Variants in SMIM3 observed in about 807,000 individuals in gnomAD.
SMIM3 encodes the protein NGF-induced differentiation clone 67 protein.
A neutral mutation model predicts 2.1 loss-of-function variants in SMIM3; 4 were observed. The ratio of observed to expected loss-of-function variants is 1.89; its 90% CI spans 0.93 to 4.31. The LOEUF (loss-of-function observed/expected upper bound fraction) is 4.31. Ranked by LOEUF, SMIM3 falls within the 30% of genes most tolerant of loss-of-function variation. The pLI, the probability that SMIM3 is intolerant of heterozygous loss-of-function variation, is 0.01. For synonymous variants in SMIM3, 29 were observed against 30.8 expected (o/e 0.94, Z 0.19); for missense variants, 79 against 77.7 (o/e 1.02, Z -0.06).
chr5:150,793,764 A>G (rs1360544511), intron 1 of SMIM3, among the ~76,000 whole-genome samples: 1 of 152,246 alleles, frequency 6.6e-6, no homozygotes, highest in Admixed American at 6.5e-5. Context: ...TGGCTTAGGC[A>G]AGGATTTCAT....
chr5:150,784,289 A>T (rs933566774), intron 1 of SMIM3, among the ~76,000 whole-genome samples: 1 of 152,132 alleles, frequency 6.6e-6, no homozygotes, highest in African/African-American at 2.4e-5. Context: ...AGTGGTTACA[A>T]TTATTAGTTA....
chr5:150,795,489 ATCCTGGATATCTGGGTTATTG>A lies in SMIM3; in HGVS notation c.54_74del (p.Asp19_Leu25del), dbSNP rs1197529563. ...CATGGAAGTCGTGCTTCCCAAGCAC[ATCCTGGATATCTGGGTTATTG>A]TCCTCATCATCCTGGCCACCATTGT... On this transcript the variant is annotated inframe_deletion, in exon 2 of 2. Transcript: ENST00000526627. 6.2e-7 allele frequency: 1 copy of A among 1,613,926 alleles called. No homozygotes were observed. Among genetic ancestry groups the A allele is most frequent in the South Asian group, 1.1e-5 (1 of 91,084 alleles).
At chr5:150,789,827 G>A (rs1384988745) in intron 1 of SMIM3, among the ~76,000 whole-genome samples, 1 of 152,178 alleles carries the variant, frequency 6.6e-6, no homozygotes, top group Admixed American at 6.5e-5. Flanking sequence ...CATCTCTAGT[G>A]CTTAGGGTCT....
At chr5:150,791,497 A>G (rs1221620317) in intron 1 of SMIM3, among the ~76,000 whole-genome samples, 1 of 152,058 alleles carries the variant, frequency 6.6e-6, no homozygotes, top group Non-Finnish European at 1.5e-5. Context: ...TATAAATGAG[A>G]ACTTGAGATA....
chr5:150,789,443 T>C (rs577563484), intron 1 of SMIM3, among the ~76,000 whole-genome samples: 1 of 152,276 alleles, frequency 6.6e-6, no homozygotes, highest in Admixed American at 6.5e-5. Context: ...AAGGACACGT[T>C]TGAGTTTCGA....
At chr5:150,779,185 C>T (rs114604173) in intron 1 of SMIM3, among the ~76,000 whole-genome samples, 1,562 of 152,226 alleles carry the variant, frequency 0.01, 28 homozygotes, top group African/African-American at 0.035. Context: ...TAAGTTCGAG[C>T]CTCCTAGTGC....
chr5:150,792,545 T>A (rs936414729), intron 1 of SMIM3, among the ~76,000 whole-genome samples: 7 of 152,162 alleles, frequency 4.6e-5, no homozygotes, highest in East Asian at 3.8e-4. Context: ...ATTAAAAAAA[T>A]TATTTTTGAG....
intron 1 of SMIM3, among the ~76,000 whole-genome samples, chr5:150,791,121 TAA>T (rs1753344923): frequency 6.6e-6 from 1 of 152,108 alleles, no homozygotes; most frequent in Admixed American, 6.5e-5. Context: ...CCCGAAAAGG[TAA>T]CCACTATTAA....
rs1481469583 is a variant in SMIM3 at position 150,795,760 on chromosome 5, G to A, written c.*137G>A. On this transcript the variant is annotated 3_prime_UTR_variant, in exon 2 of 2. Coordinates refer to ENST00000526627, the MANE Select transcript of SMIM3 (RefSeq NM_032947.5). ...GTTTTGATTCTGCCACGAGCCAGCTGTGTGAATTTGGTCAAGGGACCTAAC... is the reference window on the plus strand; with the variant it reads ...GTTTTGATTCTGCCACGAGCCAGCTATGTGAATTTGGTCAAGGGACCTAAC... 8 of 976,180 alleles carry A rather than the reference G, an allele frequency of 8.2e-6. No individual in the cohort carries two copies. Among genetic ancestry groups the A allele is most frequent in the Non-Finnish European group, 1.0e-5 (7 of 675,726 alleles). 60.5% of individuals were successfully genotyped at this position (976,180 alleles called of 1,614,324 possible).
chr5:150,795,087 A>G (rs1753388570), intron 1 of SMIM3, among the ~76,000 whole-genome samples: 1 of 152,214 alleles, frequency 6.6e-6, no homozygotes, highest in African/African-American at 2.4e-5. Flanking sequence ...TTCTCGGTCA[A>G]ATTAATGTCA....
At chr5:150,788,254 G>T (rs1279801687) in intron 1 of SMIM3, among the ~76,000 whole-genome samples, 1 of 152,152 alleles carries the variant, frequency 6.6e-6, no homozygotes, top group African/African-American at 2.4e-5. Flanking sequence ...GGTCCCAGAA[G>T]TAAAATTTGA....
At chr5:150,783,360 G>T (rs1753256105) in intron 1 of SMIM3, among the ~76,000 whole-genome samples, 1 of 152,216 alleles carries the variant, frequency 6.6e-6, no homozygotes, top group Non-Finnish European at 1.5e-5. Flanking sequence ...GTCCTATAAG[G>T]TGGACAATGC....
Position 150,778,970 on chromosome 5 carries a change from G to T in SMIM3, c.-14G>T, listed in dbSNP as rs1309369775. On this transcript the variant is annotated splice_region_variant and 5_prime_UTR_variant, in exon 1 of 2. Transcript: ENST00000526627. ...ACTTTCCGCAGACTCGCCGCCATCTGGGGTGAGTGGGGCCACCGGGGGATT... is the reference window on the plus strand; with the variant it reads ...ACTTTCCGCAGACTCGCCGCCATCTTGGGTGAGTGGGGCCACCGGGGGATT... 2.0e-6 allele frequency: 1 copy of T among 503,354 alleles called. No homozygotes were observed. Among genetic ancestry groups the T allele is most frequent in the Non-Finnish European group, 4.1e-6 (1 of 245,598 alleles). 31.2% of individuals were successfully genotyped at this position (503,354 alleles called of 1,614,324 possible). A position where few individuals can be genotyped will look rare whatever the true frequency, so the allele number is the denominator to read the frequency against.
chr5:150,782,197 C>G (rs992264134), intron 1 of SMIM3, among the ~76,000 whole-genome samples: 15 of 152,150 alleles, frequency 9.9e-5, no homozygotes, highest in Admixed American at 1.3e-4. Context: ...AGTTGTATGT[C>G]CTGTCCATTC....
intron 1 of SMIM3, among the ~76,000 whole-genome samples, chr5:150,790,922 T>G (rs1753343081): frequency 6.6e-6 from 1 of 152,152 alleles, no homozygotes. Context: ...ATTGTATATG[T>G]GTGTTTTTAC....
At chr5:150,792,470 A>T (rs996455206) in intron 1 of SMIM3, among the ~76,000 whole-genome samples, 1 of 152,242 alleles carries the variant, frequency 6.6e-6, no homozygotes, top group Admixed American at 6.5e-5. Context: ...TTAGCTTAAG[A>T]TAGTTCACAG....
intron 1 of SMIM3, among the ~76,000 whole-genome samples, chr5:150,781,742 G>T (rs544089640): frequency 6.6e-6 from 1 of 151,602 alleles, no homozygotes; most frequent in South Asian, 2.1e-4. Context: ...ACCACCGCCC[G>T]GTGCTCTTGC....
At position 150,795,644 on chromosome 5, in the gene SMIM3, G is replaced by A. The variant is rs1227416154; in HGVS notation, c.*21G>A. 1 of 1,537,656 alleles carries A rather than the reference G, an allele frequency of 6.5e-7. No homozygotes were observed. Among genetic ancestry groups the A allele is most frequent in the African/African-American group, 1.4e-5 (1 of 73,092 alleles). ...TTTGAGAGCCTCCCAAGAGGGCCGG[G>A]TGAGGGATGAGGACAGGCATCCTAT... On this transcript the variant is annotated 3_prime_UTR_variant, in exon 2 of 2. Coordinates refer to ENST00000526627, the MANE Select transcript of SMIM3 (RefSeq NM_032947.5).
intron 1 of SMIM3, among the ~76,000 whole-genome samples, chr5:150,782,780 G>T (rs763618266): frequency 6.6e-6 from 1 of 152,166 alleles, no homozygotes; most frequent in South Asian, 2.1e-4. Flanking sequence ...TAGGTTCCAC[G>T]AGTGAGCTCA....
Sources: allele counts gnomAD v4.1 joint callset (sites outside exome capture counted in the v4.1 genomes callset), GRCh38; gene constraint gnomAD v4.1.1; transcripts MANE v1.5; gene names NCBI Gene and HGNC (gene_info 2026-07-23, HGNC 2026-07-21).